The following PRKN variants were observed in gnomAD, a reference collection of about 807,000 sequenced individuals.
PRKN encodes the protein parkin RBR E3 ubiquitin protein ligase, also known as E3 ubiquitin-protein ligase parkin.
In PRKN, 56 loss-of-function variants were observed where a neutral mutation model predicts 59.5. The ratio of observed to expected loss-of-function variants is 0.94; its 90% CI spans 0.76 to 1.18. The LOEUF (loss-of-function observed/expected upper bound fraction) is 1.18. PRKN is among the 50% of genes most tolerant of loss of function. PRKN has a pLI of 0.00. For missense variants in PRKN, 657 were observed against 596.4 expected (o/e 1.10, Z -1.06); for synonymous variants, 250 against 222.1 (o/e 1.13, Z -1.12).
At chr6:162,346,572 A>C (rs1343132388) in intron 2 of PRKN, among the ~76,000 whole-genome samples, 1 of 152,006 alleles carries the variant, frequency 6.6e-6, no homozygotes, top group East Asian at 1.9e-4. Flanking sequence ...AGTGTGCTGC[A>C]ATTGTGCCAC....
intron 3 of PRKN, among the ~76,000 whole-genome samples, chr6:162,254,091 C>G (rs1312045830): frequency 6.6e-6 from 1 of 152,128 alleles, no homozygotes; most frequent in Non-Finnish European, 1.5e-5. Flanking sequence ...AAGATGCATA[C>G]ACACTTTCTT....
At chr6:162,251,691 G>A (rs780494153) in intron 3 of PRKN, among the ~76,000 whole-genome samples, 10 of 152,128 alleles carry the variant, frequency 6.6e-5, no homozygotes, top group African/African-American at 9.7e-5. Flanking sequence ...CTTTATGTAT[G>A]CACATGCATA....
chr6:161,793,498 C>CA (rs1447564165), intron 6 of PRKN, among the ~76,000 whole-genome samples: 2 of 151,618 alleles, frequency 1.3e-5, no homozygotes, highest in African/African-American at 4.9e-5. Context: ...CACTTTTATT[C>CA]ACCCATTCTG....
chr6:162,071,051 A>C (rs1382683693), intron 4 of PRKN, among the ~76,000 whole-genome samples: 1 of 152,140 alleles, frequency 6.6e-6, no homozygotes, highest in Non-Finnish European at 1.5e-5. Flanking sequence ...CACAGAGCTC[A>C]GATGTGCTAA....
chr6:161,845,720 G>A (rs1254894148), intron 6 of PRKN, among the ~76,000 whole-genome samples: 2 of 152,160 alleles, frequency 1.3e-5, no homozygotes, highest in East Asian at 3.9e-4. Context: ...CTCAGACAAT[G>A]GTCAAATCAG....
intron 7 of PRKN, among the ~76,000 whole-genome samples, chr6:161,782,424 C>A (rs1008756203): frequency 4.0e-5 from 6 of 151,882 alleles, no homozygotes; most frequent in Non-Finnish European, 7.4e-5. Flanking sequence ...TTTTAATAAA[C>A]GTTTACCTTT....
At chr6:161,766,316 T>C (rs79047820) in intron 7 of PRKN, among the ~76,000 whole-genome samples, 5 of 146,264 alleles carry the variant, frequency 3.4e-5, no homozygotes, top group Admixed American at 6.8e-5. Flanking sequence ...TTGACCACAT[T>C]TTTTTTTTTT....
At chr6:162,022,826 A>G (rs1304761772) in intron 5 of PRKN, among the ~76,000 whole-genome samples, 1 of 152,082 alleles carries the variant, frequency 6.6e-6, no homozygotes, top group Non-Finnish European at 1.5e-5. Flanking sequence ...TCTTGAGTTA[A>G]TTTTTGCATA....
intron 4 of PRKN, among the ~76,000 whole-genome samples, chr6:162,092,999 A>G (rs1779569906): frequency 1.3e-5 from 2 of 152,206 alleles, no homozygotes; most frequent in African/African-American, 4.8e-5. Flanking sequence ...GACAGATTGG[A>G]ACTGCCACCC....
chr6:161,669,406 G>T (rs2128168301), intron 7 of PRKN, among the ~76,000 whole-genome samples: 1 of 152,302 alleles, frequency 6.6e-6, no homozygotes, highest in African/African-American at 2.4e-5. Flanking sequence ...GCCCCAGTCA[G>T]TGCCTCCCCT....
intron 1 of PRKN, among the ~76,000 whole-genome samples, chr6:162,647,782 C>A (rs540152461): frequency 6.6e-5 from 10 of 152,028 alleles, no homozygotes. Flanking sequence ...CACAACCTCA[C>A]AATTTTCCCT....
Position 161,530,225 on chromosome 6 carries a change from G to C in PRKN, c.1083+18629C>G, listed in dbSNP as rs1779153181. Among the ~76,000 whole-genome samples the C allele has an allele frequency of 6.6e-6, 1 of 152,158 alleles. No homozygotes were observed. Among genetic ancestry groups the C allele is most frequent in the African/African-American group, 2.4e-5 (1 of 41,438 alleles). Reference sequence around the variant, plus strand: ...CAAAAACTACTTGGATTGTCTGGAGGTCATAGTCCAAAGGAAGGGTTGTAA... The same window carrying C: ...CAAAAACTACTTGGATTGTCTGGAGCTCATAGTCCAAAGGAAGGGTTGTAA... On this transcript the variant is annotated intron_variant, in intron 9 of 11. Coordinates refer to ENST00000366898, the MANE Select transcript of PRKN (RefSeq NM_004562.3). This position sits in a 1 kb window ranked among gnomAD's most constrained non-coding sequence, Gnocchi z 5.0.
rs938404778 is a variant in PRKN, at chr6:161,639,545, C to A, written c.872-70129G>T. Among the ~76,000 whole-genome samples, 5 of 152,150 alleles carry A rather than the reference C, an allele frequency of 3.3e-5. No homozygotes were observed. The South Asian group carries it at 1.0e-3, about 32-fold the overall frequency. On this transcript the variant is annotated intron_variant, in intron 7 of 11. Transcript: ENST00000366898. ...TGGTAATGCTCAGCCCTGGTCCTCC[C>A]ACCTCCTCAACCCTGTTTGCCTGCA...
intron 1 of PRKN, among the ~76,000 whole-genome samples, chr6:162,463,696 T>A (rs1304118069): frequency 2.6e-5 from 4 of 152,212 alleles, no homozygotes; most frequent in African/African-American, 9.7e-5. Context: ...GAATCTCATG[T>A]CTTGGGGCCA....
chr6:161,910,553 C>G (rs1362324830), intron 6 of PRKN, among the ~76,000 whole-genome samples: 1 of 152,166 alleles, frequency 6.6e-6, no homozygotes, highest in East Asian at 1.9e-4. Context: ...CTGCGCCCGG[C>G]TGAAAGAATC....
intron 3 of PRKN, among the ~76,000 whole-genome samples, chr6:162,216,844 T>C (rs1235173838): frequency 6.6e-6 from 1 of 152,218 alleles, no homozygotes; most frequent in Non-Finnish European, 1.5e-5. Flanking sequence ...ATCTTTCTTT[T>C]GGTTCTGTAT....
chr6:162,411,602 T>C (rs965897014), intron 2 of PRKN, among the ~76,000 whole-genome samples: 2 of 152,302 alleles, frequency 1.3e-5, no homozygotes, highest in East Asian at 3.9e-4. Flanking sequence ...ATACCACCTG[T>C]AAGAAAAGTT....
chr6:161,647,802 A>T (rs954880726), intron 7 of PRKN, among the ~76,000 whole-genome samples: 1 of 152,094 alleles, frequency 6.6e-6, no homozygotes, highest in Non-Finnish European at 1.5e-5. Context: ...TGCTTTTAGC[A>T]TTAGGAAAAG....
chr6:162,180,271 G>A (rs532022779), intron 4 of PRKN, among the ~76,000 whole-genome samples: 97 of 152,130 alleles, frequency 6.4e-4, no homozygotes, highest in Non-Finnish European at 9.9e-4. Flanking sequence ...TAACTTAATC[G>A]TACATTTAAA....
Sources: gnomAD v4.1 joint callset for allele counts (sites outside exome capture counted in the v4.1 genomes callset) on GRCh38, gnomAD v4.1.1 for gene constraint, Gnocchi (gnomAD v3.1) non-coding constraint, MANE v1.5 for transcripts, NCBI Gene and HGNC (gene_info 2026-07-23, HGNC 2026-07-21) for gene names.